The following PIK3C3 variants were observed in gnomAD, a reference collection of about 807,000 sequenced individuals.
PIK3C3 encodes phosphatidylinositol 3-kinase catalytic subunit type 3.
In PIK3C3, 95 loss-of-function variants were observed where a neutral mutation model predicts 126.1. That is an observed-to-expected ratio of 0.75 (90% CI 0.64 to 0.89). PIK3C3 has a LOEUF of 0.89. Among genes scored for constraint, PIK3C3 ranks in the 40% least tolerant of loss-of-function variants. The probability of loss-of-function intolerance (pLI) is 0.00; values close to 1 mark genes in which losing one functional copy is unlikely to be tolerated. For missense variants in PIK3C3, 829 were observed against 1,063.2 expected (o/e 0.78, Z 3.06); for synonymous variants, 374 against 360.0 (o/e 1.04, Z -0.44).
At chr18:42,058,236 G>T (rs745538337) in intron 22 of PIK3C3, among the ~76,000 whole-genome samples, 185 bp downstream of exon 22, 19 of 152,104 alleles carry the variant, frequency 1.2e-4, no homozygotes, top group Non-Finnish European at 2.2e-4. Context: ...AAAGGAAAAA[G>T]ACATAAACTT....
chr18:41,969,280 A>G lies in PIK3C3; in HGVS notation c.402-1047A>G, dbSNP rs568375004. ...AAATAACTTATTGAGCTTTGAGTAGATGCTGTTTGAGTAGACTTTATGTTT... is the reference window on the plus strand; with the variant it reads ...AAATAACTTATTGAGCTTTGAGTAGGTGCTGTTTGAGTAGACTTTATGTTT... On this transcript the variant is annotated intron_variant, in intron 3 of 24. Transcript: ENST00000262039. Among the ~76,000 whole-genome samples, 291 of 152,222 alleles carry G rather than the reference A, an allele frequency of 1.9e-3. 1 individual carries two copies. The highest frequency in any genetic ancestry group is 6.4e-3 in the African/African-American group (267 of 41,552).
At chr18:41,988,422 A>G (rs1309073924) in intron 5 of PIK3C3, among the ~76,000 whole-genome samples, 4 of 152,180 alleles carry the variant, frequency 2.6e-5, no homozygotes, top group East Asian at 1.9e-4. Flanking sequence ...CTTCAATGAG[A>G]GTCCTGCCAA....
intron 24 of PIK3C3, among the ~76,000 whole-genome samples, chr18:42,079,294 G>A (rs1296298819): frequency 1.3e-5 from 2 of 152,182 alleles, no homozygotes; most frequent in African/African-American, 2.4e-5. Flanking sequence ...AAGAGAGATA[G>A]GGGAATGGCC....
In PIK3C3 at chr18:42,067,438, C is replaced by T. The variant is rs1180770869; in HGVS notation, c.2574C>T (p.Tyr858=). ...TGTCGGATGAAGAGGCTGTGCATTA[C>T]ATGCAGAGTCTGATTGATGAGAGTG... ...LDLSDEEAVH[Y]MQSLIDESVH... Residue 858 remains tyrosine, a synonymous_variant, in exon 24 of 25, where the codon TAC becomes TAT. Transcript: ENST00000262039. The T allele has an allele frequency of 6.2e-7, 1 of 1,612,846 alleles. No individual in the cohort carries two copies. Among genetic ancestry groups the T allele is most frequent in the Admixed American group, 1.7e-5 (1 of 60,020 alleles).
chr18:42,052,173 A>G (rs1984836385), intron 21 of PIK3C3, among the ~76,000 whole-genome samples: 1 of 151,870 alleles, frequency 6.6e-6, no homozygotes, highest in Non-Finnish European at 1.5e-5. Flanking sequence ...GTGTGTGCGT[A>G]TGTGTGTTTT....
chr18:42,027,428 C>T lies in PIK3C3; in HGVS notation c.1485-15C>T, dbSNP rs371723019. On this transcript the variant is annotated splice_polypyrimidine_tract_variant and intron_variant, in intron 13 of 24. Coordinates refer to ENST00000262039, the MANE Select transcript of PIK3C3 (RefSeq NM_002647.4). ...TTCATTTCACATCACATGAATGGCT[C>T]AAACTATTTTTAAGGTATGTGATAG... 2.4e-5 allele frequency: 36 copies of T among 1,484,982 alleles called. No homozygotes were observed. The highest frequency in any genetic ancestry group is 3.4e-5 in the Non-Finnish European group (36 of 1,072,490). The allele number at this position is 1,484,982 out of a possible 1,614,324, so 92.0% of individuals were successfully genotyped here.
chr18:42,048,142 C>A (rs749546928), intron 20 of PIK3C3, among the ~76,000 whole-genome samples: 14 of 152,192 alleles, frequency 9.2e-5, no homozygotes, highest in Non-Finnish European at 1.9e-4. Flanking sequence ...TTGCATTTAG[C>A]TGCAGTTAAC....
chr18:41,961,836 C>A (rs371519734), intron 2 of PIK3C3, among the ~76,000 whole-genome samples: 3 of 152,124 alleles, frequency 2.0e-5, no homozygotes, highest in African/African-American at 7.2e-5. Context: ...GCTGTGGTGT[C>A]ATTAACTATA....
intron 7 of PIK3C3, among the ~76,000 whole-genome samples, chr18:41,994,700 A>G (rs1220096557): frequency 1.3e-5 from 2 of 152,122 alleles, no homozygotes; most frequent in Non-Finnish European, 2.9e-5. Flanking sequence ...CTCATGCCAT[A>G]CATAGGAATA....
chr18:42,014,827 C>T (rs888101254), intron 11 of PIK3C3, among the ~76,000 whole-genome samples: 1 of 151,924 alleles, frequency 6.6e-6, no homozygotes, highest in Non-Finnish European at 1.5e-5. Context: ...GGAGAAGAAC[C>T]GAAAAAGAGG....
In PIK3C3 at chr18:42,057,921, C is replaced by G; in HGVS notation, c.2302C>G (p.Arg768Gly). ...FHIDFGYILG[R>G]DPKPLPPPMK... ...CATAGACTTTGGATATATTTTGGGT[C>G]GGGATCCAAAGCCTCTTCCTCCACC... Residue 768 changes from arginine (R) to glycine (G), a missense_variant, in exon 22 of 25, where the codon CGG becomes GGG. Arg to Gly is a moderately radical substitution (Grantham distance 125). Around this residue, in one of 4 missense-constraint regions of PIK3C3, gnomAD observed 196 missense variants for 312.8 expected, o/e 0.63. Transcript: ENST00000262039. 1.2e-6 allele frequency: 2 copies of G among 1,613,542 alleles called. No homozygotes were observed. The highest frequency in any genetic ancestry group is 8.5e-7 in the Non-Finnish European group (1 of 1,179,712).
chr18:42,082,413 T>C lies in PIK3C3; in HGVS notation c.*1276T>C, dbSNP rs1986281493. 1 of 152,174 alleles carries C rather than the reference T, an allele frequency of 6.6e-6. No individual in the cohort carries two copies. Among genetic ancestry groups the C allele is most frequent in the African/African-American group, 2.4e-5 (1 of 41,448 alleles). 9.4% of individuals were successfully genotyped at this position (152,174 alleles called of 1,614,324 possible). A position where few individuals can be genotyped will look rare whatever the true frequency, so the allele number is the denominator to read the frequency against. ...AATTAAGAGACACTCTAGAGGCATA[T>C]GGAATATAGTTTGTATAAAACATAC... On this transcript the variant is annotated 3_prime_UTR_variant, in exon 25 of 25. Coordinates refer to ENST00000262039, the MANE Select transcript of PIK3C3 (RefSeq NM_002647.4).
intron 24 of PIK3C3, among the ~76,000 whole-genome samples, chr18:42,079,055 G>A (rs1986140700): frequency 6.6e-6 from 1 of 152,166 alleles, no homozygotes; most frequent in Non-Finnish European, 1.5e-5. Context: ...TTTCCTTCAA[G>A]AACATTTCTT....
At chr18:42,053,393 A>G (rs1486930305) in intron 21 of PIK3C3, among the ~76,000 whole-genome samples, 1 of 152,220 alleles carries the variant, frequency 6.6e-6, no homozygotes, top group East Asian at 1.9e-4. Flanking sequence ...CTGTGTATCC[A>G]CCATAAATGT....
intron 4 of PIK3C3, among the ~76,000 whole-genome samples, chr18:41,975,353 A>G (rs1214116859): frequency 6.6e-6 from 1 of 152,252 alleles, no homozygotes; most frequent in Non-Finnish European, 1.5e-5. Context: ...ATGAAATAAC[A>G]TTAAAAATTC....
intron 16 of PIK3C3, among the ~76,000 whole-genome samples, chr18:42,036,508 A>G (rs1023345242): frequency 5.3e-5 from 8 of 151,976 alleles, no homozygotes; most frequent in African/African-American, 1.9e-4. Flanking sequence ...CTCAATGACC[A>G]AACTCAATAG....
intron 21 of PIK3C3, among the ~76,000 whole-genome samples, chr18:42,054,727 T>C (rs1358696485): frequency 6.6e-6 from 1 of 152,144 alleles, no homozygotes; most frequent in African/African-American, 2.4e-5. Context: ...TGGGTGACTT[T>C]GGGTAAGTTA....
chr18:42,043,827 T>C lies in PIK3C3; in HGVS notation c.2188+10T>C. On this transcript the variant is annotated intron_variant, in intron 20 of 24. Coordinates refer to ENST00000262039, the MANE Select transcript of PIK3C3 (RefSeq NM_002647.4). ...TACGTTAAAAGCTGTGGTAAGTTTT[T>C]CAGGCTATTACTTTCCATTGATCAG... 1.3e-6 allele frequency: 2 copies of C among 1,589,858 alleles called. No individual in the cohort carries two copies. The highest frequency in any genetic ancestry group is 1.7e-6 in the Non-Finnish European group (2 of 1,158,106).
chr18:41,968,035 A>G (rs1429164073), intron 3 of PIK3C3, among the ~76,000 whole-genome samples: 5 of 152,182 alleles, frequency 3.3e-5, no homozygotes, highest in Non-Finnish European at 7.3e-5. Context: ...ATTAGTGTCA[A>G]AAGAAAGTAA....
Sources: gnomAD v4.1 joint callset for allele counts (sites outside exome capture counted in the v4.1 genomes callset) on GRCh38, gnomAD v4.1.1 for gene constraint, gnomAD v4.1.1 regional missense constraint, MANE v1.5 for transcripts, NCBI Gene and HGNC (gene_info 2026-07-23, HGNC 2026-07-21) for gene names.